TNR: variants seen among roughly 807,000 people sequenced by gnomAD.
TNR encodes the protein tenascin-R.
Under a neutral mutation model 150.4 loss-of-function variants are expected in TNR, and 45 were observed. The ratio of observed to expected loss-of-function variants is 0.30; its 90% CI spans 0.24 to 0.38. The LOEUF (loss-of-function observed/expected upper bound fraction) is 0.38, where lower values mean the gene tolerates loss of function less well. Among genes scored for constraint, TNR ranks in the 10% least tolerant of loss-of-function variants. The pLI, the probability that TNR is intolerant of heterozygous loss-of-function variation, is 1.00. For missense variants in TNR, 1,544 were observed against 1,759.1 expected (o/e 0.88, Z 2.19); for synonymous variants, 687 against 678.4 (o/e 1.01, Z -0.20).
At chr1:175,645,307 T>C (rs184508940) in intron 1 of TNR, among the ~76,000 whole-genome samples, 3 of 152,288 alleles carry the variant, frequency 2.0e-5, no homozygotes, top group Non-Finnish European at 4.4e-5. Flanking sequence ...AGAAGGACAG[T>C]TATGCTCCAA....
intron 2 of TNR, among the ~76,000 whole-genome samples, chr1:175,459,260 C>T (rs1656711721): frequency 6.6e-6 from 1 of 152,138 alleles, no homozygotes; most frequent in African/African-American, 2.4e-5. Flanking sequence ...ATCACCTCTA[C>T]CATCATTACT....
chr1:175,471,344 G>A (rs1657278761), intron 2 of TNR, among the ~76,000 whole-genome samples: 1 of 152,186 alleles, frequency 6.6e-6, no homozygotes, highest in South Asian at 2.1e-4. Context: ...TGGAGGATTA[G>A]TGCTAAGAAA....
chr1:175,546,858 G>A (rs2102194955), intron 1 of TNR, among the ~76,000 whole-genome samples: 1 of 152,272 alleles, frequency 6.6e-6, no homozygotes, highest in South Asian at 2.1e-4. Context: ...TAAAACAAGG[G>A]TCATGGAGGT....
chr1:175,344,785 A>G (rs1650698394), intron 18 of TNR, among the ~76,000 whole-genome samples: 1 of 152,216 alleles, frequency 6.6e-6, no homozygotes, highest in Non-Finnish European at 1.5e-5. Flanking sequence ...TTAAAGAATA[A>G]AAATCATCAA....
chr1:175,590,752 A>G (rs1662767112), intron 1 of TNR, among the ~76,000 whole-genome samples: 1 of 152,244 alleles, frequency 6.6e-6, no homozygotes, highest in Non-Finnish European at 1.5e-5. Context: ...CATTCCAACC[A>G]GCAAGGTGAA....
chr1:175,330,420 A>T, intron 20 of TNR, 185 bp from the exon 21 acceptor site: 1 of 573,822 alleles, frequency 1.7e-6, no homozygotes, highest in Non-Finnish European at 2.8e-6. Flanking sequence ...TCTTCCTGCA[A>T]AGAGGACAGT....
rs77084371 is a variant in TNR, at chr1:175,352,840, G to A, written c.3382+1551C>T. Among the ~76,000 whole-genome samples, 981 of 152,276 alleles carry A rather than the reference G, an allele frequency of 6.4e-3. 15 individuals carry two copies. The highest frequency in any genetic ancestry group is 0.022 in the African/African-American group (921 of 41,562). On this transcript the variant is annotated intron_variant, in intron 18 of 22. Coordinates refer to ENST00000367674, the MANE Select transcript of TNR (RefSeq NM_003285.3). ...ATCTCCGCACTCTATAGAACCACTGGGGATATTTTGTCATATCTGATCAGT... is the reference window on the plus strand; with the variant it reads ...ATCTCCGCACTCTATAGAACCACTGAGGATATTTTGTCATATCTGATCAGT...
chr1:175,620,384 C>T (rs985398078), intron 1 of TNR, among the ~76,000 whole-genome samples: 1 of 152,188 alleles, frequency 6.6e-6, no homozygotes, highest in Non-Finnish European at 1.5e-5. Flanking sequence ...CGAAACATAA[C>T]AACCAGGCTG....
intron 1 of TNR, among the ~76,000 whole-genome samples, chr1:175,570,807 A>G (rs1356575717): frequency 1.7e-4 from 26 of 152,106 alleles, no homozygotes; most frequent in Admixed American, 1.6e-3. Context: ...AACAAAACTC[A>G]CTACCAATAT....
chr1:175,417,195 T>C (rs1056568406), intron 2 of TNR, among the ~76,000 whole-genome samples: 2 of 152,150 alleles, frequency 1.3e-5, no homozygotes, highest in Non-Finnish European at 2.9e-5. Flanking sequence ...TGAATTAACA[T>C]TACTAATTTA....
intron 1 of TNR, among the ~76,000 whole-genome samples, chr1:175,612,905 G>A (rs764042000): frequency 1.3e-5 from 2 of 148,446 alleles, no homozygotes; most frequent in Non-Finnish European, 2.9e-5. Flanking sequence ...TGTGCTAGGT[G>A]CTGGTGTAGG....
chr1:175,402,349 C>CCCAATGAG (rs1327777587), intron 4 of TNR, among the ~76,000 whole-genome samples: 4 of 150,408 alleles, frequency 2.7e-5, no homozygotes, highest in African/African-American at 7.3e-5. Context: ...GGGAATCAGC[C>CCCAATGAG]CCAATGAGAT....
chr1:175,599,398 C>T lies in TNR; in HGVS notation c.-164-71029G>A, dbSNP rs778009486. Among the ~76,000 whole-genome samples the T allele has an allele frequency of 6.6e-6, 1 of 152,190 alleles. No homozygotes were observed. The highest frequency in any genetic ancestry group is 1.5e-5 in the Non-Finnish European group (1 of 68,034). On this transcript the variant is annotated intron_variant, in intron 1 of 22. Coordinates refer to ENST00000367674, the MANE Select transcript of TNR (RefSeq NM_003285.3). The surrounding 1 kb of genome is among the most constrained non-coding windows in gnomAD (Gnocchi z 4.7). Reference sequence around the variant, plus strand: ...ACCTCAGGCAGTCGGAGGGGCCCGGCGGAGCTGTGTTCGTGTTGTCATGGC... The same window carrying T: ...ACCTCAGGCAGTCGGAGGGGCCCGGTGGAGCTGTGTTCGTGTTGTCATGGC...
intron 1 of TNR, among the ~76,000 whole-genome samples, chr1:175,529,806 C>A (rs908375041): frequency 6.6e-6 from 1 of 152,182 alleles, no homozygotes; most frequent in Non-Finnish European, 1.5e-5. Flanking sequence ...CTGTGAGGTG[C>A]TAACCTCACT....
At chr1:175,638,605 C>G (rs1664556111) in intron 1 of TNR, among the ~76,000 whole-genome samples, 1 of 152,120 alleles carries the variant, frequency 6.6e-6, no homozygotes, top group African/African-American at 2.4e-5. Flanking sequence ...TAACAAGGGC[C>G]TGCACACCAG....
chr1:175,404,169 A>G (rs1361598184), intron 3 of TNR, among the ~76,000 whole-genome samples: 1 of 152,112 alleles, frequency 6.6e-6, no homozygotes, highest in Non-Finnish European at 1.5e-5. Context: ...GAAGTTTCCA[A>G]CAAACTGAGG....
intron 18 of TNR, among the ~76,000 whole-genome samples, chr1:175,339,621 G>T (rs1650419324): frequency 6.6e-6 from 1 of 152,114 alleles, no homozygotes; most frequent in African/African-American, 2.4e-5. Flanking sequence ...CACTGTTTGA[G>T]TTTCTCATTT....
chr1:175,455,470 G>A (rs1656531658), intron 2 of TNR, among the ~76,000 whole-genome samples: 1 of 152,218 alleles, frequency 6.6e-6, no homozygotes, highest in Admixed American at 6.5e-5. Context: ...AAAGATCCTT[G>A]CTGTCTAGCA....
intron 1 of TNR, among the ~76,000 whole-genome samples, chr1:175,703,140 T>C (rs962895112): frequency 2.0e-5 from 3 of 152,228 alleles, no homozygotes; most frequent in Non-Finnish European, 4.4e-5. Flanking sequence ...TAATAATATA[T>C]AAATGTTAAA....
Sources: allele counts gnomAD v4.1 joint callset (sites outside exome capture counted in the v4.1 genomes callset), GRCh38; gene constraint gnomAD v4.1.1; non-coding constraint Gnocchi (gnomAD v3.1); transcripts MANE v1.5; gene names NCBI Gene and HGNC (gene_info 2026-07-23, HGNC 2026-07-21).